Variants in ZNF574 observed in about 807,000 individuals in gnomAD.
The protein encoded by ZNF574 is zinc finger protein 574.
A neutral mutation model predicts 56.6 loss-of-function variants in ZNF574; 25 were observed. The ratio of observed to expected loss-of-function variants is 0.44; its 90% CI spans 0.32 to 0.62. The LOEUF is 0.62. Among genes scored for constraint, ZNF574 ranks in the 20% least tolerant of loss-of-function variants. The probability of loss-of-function intolerance (pLI) is 0.04; values close to 1 mark genes in which losing one functional copy is unlikely to be tolerated. For synonymous variants in ZNF574, 543 were observed against 492.1 expected (o/e 1.10, Z -1.37); for missense variants, 1,065 against 1,218.9 (o/e 0.87, Z 1.88).
intron 1 of ZNF574, among the ~76,000 whole-genome samples, chr19:42,077,997 C>T (rs966539268): frequency 2.0e-5 from 3 of 151,492 alleles, no homozygotes; most frequent in African/African-American, 7.3e-5. Context: ...GCAGGGGTTG[C>T]GTGTAAAGGG....
chr19:42,079,916 C>A lies in ZNF574; in HGVS notation c.1310C>A (p.Pro437Gln). The change falls in exon 2 of 2, where the codon CCA becomes CAA. Residue 437 changes from proline to glutamine, a missense_variant. Physicochemically the swap from Pro to Gln is moderately conservative, Grantham distance 76 (BLOSUM62 -1). Coordinates refer to ENST00000359044, the MANE Select transcript of ZNF574 (RefSeq NM_022752.6). The surrounding 1 kb of genome is among the most constrained non-coding windows in gnomAD (Gnocchi z 4.3). ...PEEPVIGFPE[P>Q]APAETGEPEA... ...GAACCTGTCATTGGTTTCCCTGAGCCAGCCCCAGCAGAGACTGGAGAGCCA... is the reference window on the plus strand; with the variant it reads ...GAACCTGTCATTGGTTTCCCTGAGCAAGCCCCAGCAGAGACTGGAGAGCCA... 6.2e-7 allele frequency: 1 copy of A among 1,614,006 alleles called. No individual in the cohort carries two copies. The highest frequency in any genetic ancestry group is 8.5e-7 in the Non-Finnish European group (1 of 1,180,026).
chr19:42,077,103 G>A (rs1568942913), intron 1 of ZNF574, among the ~76,000 whole-genome samples: 2 of 152,012 alleles, frequency 1.3e-5, no homozygotes, highest in African/African-American at 2.4e-5. Flanking sequence ...AAAGTGAGGG[G>A]TGCCTGGGAA....
In ZNF574 at chr19:42,079,547, G is replaced by A; in HGVS notation, c.941G>A (p.Cys314Tyr). Residue 314 changes from cysteine (C) to tyrosine (Y), a missense_variant, in exon 2 of 2, where the codon TGT (cysteine) becomes TAT (tyrosine). Coordinates refer to ENST00000359044, the MANE Select transcript of ZNF574 (RefSeq NM_022752.6). The surrounding 1 kb of genome is among the most constrained non-coding windows in gnomAD (Gnocchi z 4.3). ...ACACAGGAGCTCTTCTGCTCAGCCT[G>A]TGACCAGCTCTTTCTCTCACCCCAC... ...AATQELFCSACDQLFLSPHQL... is the reference protein window; with the variant it reads ...AATQELFCSAYDQLFLSPHQL... The A allele has an allele frequency of 6.2e-7, 1 of 1,614,076 alleles. No homozygotes were observed. The highest frequency in any genetic ancestry group is 8.5e-7 in the Non-Finnish European group (1 of 1,180,028).
rs1485665671 is a variant in ZNF574, at chr19:42,079,559, TTC to T, written c.958_959del (p.Ser320ThrfsTer17). 1.2e-6 allele frequency: 2 copies of T among 1,613,960 alleles called. No individual in the cohort carries two copies. The highest frequency in any genetic ancestry group is 3.3e-5 in the Admixed American group (2 of 60,010). Reference sequence around the variant, plus strand: ...TTCTGCTCAGCCTGTGACCAGCTCTTTCTCTCACCCCACCAGCTACAGCAGCA... The same window carrying T: ...TTCTGCTCAGCCTGTGACCAGCTCTTTCTCACCCCACCAGCTACAGCAGCA... On this transcript the variant is annotated frameshift_variant, in exon 2 of 2. Transcript: ENST00000359044. LOFTEE classifies it high-confidence loss of function. The surrounding 1 kb of genome is among the most constrained non-coding windows in gnomAD (Gnocchi z 4.3).
Position 42,080,844 on chromosome 19 carries a change from G to C in ZNF574, c.2238G>C (p.Leu746=). Reference sequence around the variant, plus strand: ...TAGAGTGCAGCGAGTGCAAGAAGCTGTTCAGCACAGAGACGTCACTGCAGG... The same window carrying C: ...TAGAGTGCAGCGAGTGCAAGAAGCTCTTCAGCACAGAGACGTCACTGCAGG... ...RGLECSECKK[L]FSTETSLQVH... The change falls in exon 2 of 2, where the codon CTG becomes CTC. Residue 746 remains leucine, a synonymous_variant. Transcript: ENST00000359044. The surrounding 1 kb of genome is among the most constrained non-coding windows in gnomAD (Gnocchi z 8.5). 1 of 1,614,110 alleles carries C rather than the reference G, an allele frequency of 6.2e-7. No individual in the cohort carries two copies. Among genetic ancestry groups the C allele is most frequent in the African/African-American group, 1.3e-5 (1 of 75,056 alleles).
rs1384252749 is a variant in ZNF574 at position 42,080,592 on chromosome 19, G to A, written c.1986G>A (p.Gln662=). Reference sequence around the variant, plus strand: ...ACCGCTGTGCAGCCGCTGCTGCCCAGGCCCCACGGCGCTTTGAGTGTGGCA... The same window carrying A: ...ACCGCTGTGCAGCCGCTGCTGCCCAAGCCCCACGGCGCTTTGAGTGTGGCA... ...REHRCAAAAA[Q]APRRFECGTC... is the part of the protein sequence containing the mutation. The change falls in exon 2 of 2, where the codon CAG becomes CAA. Residue 662 remains glutamine (Q), a synonymous_variant. Coordinates refer to ENST00000359044, the MANE Select transcript of ZNF574 (RefSeq NM_022752.6). This position sits in a 1 kb window ranked among gnomAD's most constrained non-coding sequence, Gnocchi z 8.5. 3.7e-6 allele frequency: 6 copies of A among 1,612,704 alleles called. No individual in the cohort carries two copies. The highest frequency in any genetic ancestry group is 4.2e-6 in the Non-Finnish European group (5 of 1,179,854).
rs2076477168 is a variant in ZNF574 at position 42,079,202 on chromosome 19, C to T, written c.596C>T (p.Ala199Val). 1.2e-6 allele frequency: 2 copies of T among 1,613,872 alleles called. No individual in the cohort carries two copies. The highest frequency in any genetic ancestry group is 1.7e-6 in the Non-Finnish European group (2 of 1,180,036). The change falls in exon 2 of 2, where the codon GCT becomes GTT. Residue 199 changes from alanine to valine, a missense_variant. Ala to Val is a moderately conservative substitution (Grantham distance 64). Coordinates refer to ENST00000359044, the MANE Select transcript of ZNF574 (RefSeq NM_022752.6). The surrounding 1 kb of genome is among the most constrained non-coding windows in gnomAD (Gnocchi z 4.3). ...GAAGGGGCGACTGTCCCATCTGCCG[C>T]TGCCACCACCACTGAGGTAGTGACT... ...GGEGATVPSA[A>V]ATTTEVVTEV...
At chr19:42,069,771 G>T (rs957638211) in intron 1 of ZNF574, among the ~76,000 whole-genome samples, 2 of 152,008 alleles carry the variant, frequency 1.3e-5, no homozygotes, top group East Asian at 3.9e-4. Context: ...CCCCCCTGGA[G>T]CCTGGGCCCT....
Position 42,079,275 on chromosome 19 carries a change from C to T in ZNF574, c.669C>T (p.Phe223=). The change falls in exon 2 of 2, where the codon TTC becomes TTT. Residue 223 remains phenylalanine (F), a synonymous_variant. Transcript: ENST00000359044. This position sits in a 1 kb window ranked among gnomAD's most constrained non-coding sequence, Gnocchi z 4.3. ...AGTGCTCTGAGTGCTCCCAGCTCTT[C>T]CAGCTGCCGGCGGATTTCCTGGAGC... The part of the protein sequence containing the change: ...LYKCSECSQL[F]QLPADFLEHQ... 3 of 1,614,092 alleles carry T rather than the reference C, an allele frequency of 1.9e-6. No homozygotes were observed. Among genetic ancestry groups the T allele is most frequent in the Non-Finnish European group, 2.5e-6 (3 of 1,179,998 alleles).
upstream of ZNF574, among the ~76,000 whole-genome samples, chr19:42,072,500 T>A (rs2076430931): frequency 6.6e-6 from 1 of 152,110 alleles, no homozygotes; most frequent in South Asian, 2.1e-4. Flanking sequence ...CCTCCCAAAG[T>A]GCTGGGATTA....
In ZNF574 at chr19:42,076,490, C is replaced by T. The variant is rs539339110; in HGVS notation, c.-21+204C>T. Among the ~76,000 whole-genome samples, 4 of 150,342 alleles carry T rather than the reference C, an allele frequency of 2.7e-5. No individual in the cohort carries two copies. The East Asian group carries it at 7.9e-4, about 30-fold the overall frequency. ...GGCGGGTGGGGAAGGGGCCTGGAGT[C>T]GCGTGCGGGGCTGAGTGAGGAGGGG... On this transcript the variant is annotated intron_variant, in intron 1 of 1. Coordinates refer to ENST00000359044, the MANE Select transcript of ZNF574 (RefSeq NM_022752.6).
chr19:42,080,792 C>T lies in ZNF574; in HGVS notation c.2186C>T (p.Pro729Leu), dbSNP rs1471045284. ...AALGSTATAS[P>L]AAPARRRGLE... ...CTTGGAAGCACTGCTACAGCATCCC[C>T]TGCGGCCCCTGCCCGCCGCCGGGGT... The change falls in exon 2 of 2, where the codon CCT (proline) becomes CTT (leucine). Residue 729 changes from proline (P) to leucine (L), a missense_variant. Physicochemically the swap from Pro to Leu is moderately conservative, Grantham distance 98. Transcript: ENST00000359044. The surrounding 1 kb of genome is among the most constrained non-coding windows in gnomAD (Gnocchi z 8.5). The T allele has an allele frequency of 8.1e-6, 13 of 1,613,930 alleles. No homozygotes were observed. Among genetic ancestry groups the T allele is most frequent in the African/African-American group, 1.3e-5 (1 of 74,942 alleles).
In ZNF574 at chr19:42,078,648, C is replaced by G; in HGVS notation, c.42C>G (p.His14Gln). 6.2e-7 allele frequency: 1 copy of G among 1,614,060 alleles called. No homozygotes were observed. The highest frequency in any genetic ancestry group is 8.5e-7 in the Non-Finnish European group (1 of 1,179,960). ...AGGAGACAGTCCTGTACATTGAGCA[C>G]CGCTATGTCTGCTCTGAGTGCAACC... ...ESEETVLYIE[H>Q]RYVCSECNQL... Residue 14 changes from histidine to glutamine, a missense_variant, in exon 2 of 2, where the codon CAC (histidine) becomes CAG (glutamine). Coordinates refer to ENST00000359044, the MANE Select transcript of ZNF574 (RefSeq NM_022752.6).
rs759252120 is a variant in ZNF574 at position 42,080,561 on chromosome 19, G to T, written c.1955G>T (p.Arg652Leu). The change falls in exon 2 of 2, where the codon CGG (arginine) becomes CTG (leucine). Residue 652 changes from arginine (R) to leucine (L), a missense_variant. Transcript: ENST00000359044. The surrounding 1 kb of genome is among the most constrained non-coding windows in gnomAD (Gnocchi z 8.5). ...GCCTTCCCCTCCTCACTGCGGCTCCGGGAGCACCGCTGTGCAGCCGCTGCT... is the reference window on the plus strand; with the variant it reads ...GCCTTCCCCTCCTCACTGCGGCTCCTGGAGCACCGCTGTGCAGCCGCTGCT... The part of the protein sequence containing the change: ...GAAFPSSLRL[R>L]EHRCAAAAAQ... 6.2e-7 allele frequency: 1 copy of T among 1,612,662 alleles called. No individual in the cohort carries two copies. The highest frequency in any genetic ancestry group is 8.5e-7 in the Non-Finnish European group (1 of 1,179,762).
At chr19:42,077,029 C>G (rs1354356069) in intron 1 of ZNF574, among the ~76,000 whole-genome samples, 1 of 151,716 alleles carries the variant, frequency 6.6e-6, no homozygotes, top group South Asian at 2.1e-4. Flanking sequence ...GTAATTAGGC[C>G]AAGGTGAAGA....
chr19:42,080,909 G>A lies in ZNF574; in HGVS notation c.2303G>A (p.Cys768Tyr). 1 of 1,614,132 alleles carries A rather than the reference G, an allele frequency of 6.2e-7. No homozygotes were observed. Among genetic ancestry groups the A allele is most frequent in the Non-Finnish European group, 8.5e-7 (1 of 1,180,040 alleles). The change falls in exon 2 of 2, where the codon TGT (cysteine) becomes TAT (tyrosine). Residue 768 changes from cysteine to tyrosine, a missense_variant. Coordinates refer to ENST00000359044, the MANE Select transcript of ZNF574 (RefSeq NM_022752.6). This position sits in a 1 kb window ranked among gnomAD's most constrained non-coding sequence, Gnocchi z 8.5. ...RIHTGERPYPCPDCGKAFRQS... is the reference protein window; with the variant it reads ...RIHTGERPYPYPDCGKAFRQS... ...CACACAGGTGAGCGGCCATACCCAT[G>A]TCCAGACTGTGGCAAAGCGTTCCGT...
In ZNF574 at chr19:42,080,014, C is replaced by G; in HGVS notation, c.1408C>G (p.Leu470Val). ...PAAPGTYRCL[L>V]CSREFGKALQ... is the part of the protein sequence containing the mutation. Reference sequence around the variant, plus strand: ...TGCCCCAGGCACCTACCGCTGCCTCCTGTGCAGCCGTGAATTTGGAAAGGC... The same window carrying G: ...TGCCCCAGGCACCTACCGCTGCCTCGTGTGCAGCCGTGAATTTGGAAAGGC... Residue 470 changes from leucine to valine, a missense_variant, in exon 2 of 2, where the codon CTG (leucine) becomes GTG (valine). Coordinates refer to ENST00000359044, the MANE Select transcript of ZNF574 (RefSeq NM_022752.6). This position sits in a 1 kb window ranked among gnomAD's most constrained non-coding sequence, Gnocchi z 8.5. 6.2e-7 allele frequency: 1 copy of G among 1,614,068 alleles called. No homozygotes were observed. The highest frequency in any genetic ancestry group is 2.2e-5 in the East Asian group (1 of 44,880).
At position 42,078,944 on chromosome 19, in the gene ZNF574, C is replaced by T; in HGVS notation, c.338C>T (p.Ser113Leu). Residue 113 changes from serine to leucine, a missense_variant, in exon 2 of 2, where the codon TCA (serine) becomes TTA (leucine). Physicochemically the swap from Ser to Leu is moderately radical, Grantham distance 145. Transcript: ENST00000359044. ...CAGGAGGCAGTGCCAGCTGAGCCAT[C>T]ACCTAAGGCACCACCCCTGAGCTCC... Reference protein sequence around the residue: ...APQEAVPAEPSPKAPPLSSST... With the variant: ...APQEAVPAEPLPKAPPLSSST... 1 of 1,614,080 alleles carries T rather than the reference C, an allele frequency of 6.2e-7. No individual in the cohort carries two copies. Among genetic ancestry groups the T allele is most frequent in the South Asian group, 1.1e-5 (1 of 91,084 alleles).
In ZNF574 at chr19:42,079,607, G is replaced by T. The variant is rs1221936243; in HGVS notation, c.1001G>T (p.Gly334Val). ...LQQHLRSHRE[G>V]VFKCPLCSRV... ...CAGCACCTGCGGAGTCACCGGGAGGGCGTCTTTAAGTGCCCCCTGTGCAGT... is the reference window on the plus strand; with the variant it reads ...CAGCACCTGCGGAGTCACCGGGAGGTCGTCTTTAAGTGCCCCCTGTGCAGT... The change falls in exon 2 of 2, where the codon GGC becomes GTC. Residue 334 changes from glycine to valine, a missense_variant. Physicochemically the swap from Gly to Val is moderately radical, Grantham distance 109. Coordinates refer to ENST00000359044, the MANE Select transcript of ZNF574 (RefSeq NM_022752.6). This position sits in a 1 kb window ranked among gnomAD's most constrained non-coding sequence, Gnocchi z 4.3. 1.2e-6 allele frequency: 2 copies of T among 1,614,170 alleles called. No individual in the cohort carries two copies. The highest frequency in any genetic ancestry group is 1.7e-6 in the Non-Finnish European group (2 of 1,180,028).
Sources: allele counts gnomAD v4.1 joint callset (sites outside exome capture counted in the v4.1 genomes callset), GRCh38; gene constraint gnomAD v4.1.1; non-coding constraint Gnocchi (gnomAD v3.1); transcripts MANE v1.5; gene names NCBI Gene and HGNC (gene_info 2026-07-23, HGNC 2026-07-21).